The following SRGAP3 variants were observed in gnomAD, a reference collection of about 807,000 sequenced individuals.
SRGAP3 encodes SLIT-ROBO Rho GTPase activating protein 3.
Under a neutral mutation model 121.1 loss-of-function variants are expected in SRGAP3, and 39 were observed. The observed-to-expected ratio is 0.32, with a 90% CI of 0.25 to 0.42. SRGAP3 has a LOEUF of 0.42. Among genes scored for constraint, SRGAP3 ranks in the 10% least tolerant of loss-of-function variants. The pLI is 1.00. For missense variants in SRGAP3, 1,213 were observed against 1,470.6 expected (o/e 0.82, Z 2.86); for synonymous variants, 601 against 570.0 (o/e 1.05, Z -0.77).
At chr3:9,289,441 A>T (rs564419485) in intron 3 of SRGAP3, among the ~76,000 whole-genome samples, 4 of 152,320 alleles carry the variant, frequency 2.6e-5, no homozygotes, top group African/African-American at 9.6e-5. Flanking sequence ...CTGGGAAAAG[A>T]CAAGTTCTTC....
Position 9,249,369 on chromosome 3 carries a change from T to TAC in SRGAP3, c.-420_-419dup, listed in dbSNP as rs373527995. ...CACAGTTGTGCTGTGCACACAGGCA[T>TAC]ACACACACACACCCTCACACGCACA... On this transcript the variant is annotated 5_prime_UTR_variant, in exon 1 of 22. An upstream open reading frame in the 5' UTR loses its in-frame stop. Transcript: ENST00000383836. 8 of 361,990 alleles carry TAC rather than the reference T, an allele frequency of 2.2e-5. No homozygotes were observed. Among genetic ancestry groups the TAC allele is most frequent in the South Asian group, 1.4e-4 (4 of 27,738 alleles). The allele number at this position is 361,990 out of a possible 1,614,324, so 22.4% of individuals were successfully genotyped here. A position where few individuals can be genotyped will look rare whatever the true frequency, so the allele number is the denominator to read the frequency against.
intron 3 of SRGAP3, among the ~76,000 whole-genome samples, chr3:9,092,838 A>G (rs1273015437): frequency 1.3e-5 from 2 of 152,136 alleles, no homozygotes; most frequent in African/African-American, 4.8e-5. Context: ...CTGGCTTCCA[A>G]GTCGAGGTAG....
At chr3:9,312,693 A>C (rs553649063) in intron 3 of SRGAP3, among the ~76,000 whole-genome samples, 2 of 152,294 alleles carry the variant, frequency 1.3e-5, no homozygotes, top group East Asian at 3.9e-4. Context: ...GGTTCTTTTA[A>C]AATAGACAAG....
chr3:9,309,044 G>T (rs1955201217), intron 3 of SRGAP3, among the ~76,000 whole-genome samples: 2 of 152,184 alleles, frequency 1.3e-5, no homozygotes, highest in Admixed American at 1.3e-4. Flanking sequence ...ACCAAGTATG[G>T]TTCAAACAGA....
At chr3:9,141,261 C>G (rs1949836223) in intron 1 of SRGAP3, among the ~76,000 whole-genome samples, 1 of 152,154 alleles carries the variant, frequency 6.6e-6, no homozygotes, top group South Asian at 2.1e-4. Context: ...TGAGAGGGTG[C>G]CTCTGGCCAT....
intron 3 of SRGAP3, among the ~76,000 whole-genome samples, chr3:9,263,921 A>T (rs1479110199): frequency 6.6e-6 from 1 of 152,200 alleles, no homozygotes; most frequent in Non-Finnish European, 1.5e-5. Flanking sequence ...CAACAAAAAG[A>T]GAAAATTTCA....
chr3:9,348,272 G>A (rs781390706), intron 1 of SRGAP3, among the ~76,000 whole-genome samples: 1 of 152,144 alleles, frequency 6.6e-6, no homozygotes, highest in Non-Finnish European at 1.5e-5. Flanking sequence ...AGTAAGGGTA[G>A]CAGAGAATAT....
chr3:9,045,509 AATGATGATGATG>A (rs759746569), intron 10 of SRGAP3, among the ~76,000 whole-genome samples: 2 of 151,368 alleles, frequency 1.3e-5, no homozygotes, highest in East Asian at 3.9e-4. Flanking sequence ...GTATGGTGAT[AATGATGATGATG>A]ATGATGATGA....
intron 1 of SRGAP3, among the ~76,000 whole-genome samples, chr3:9,340,405 A>G (rs1268040611): frequency 3.9e-5 from 6 of 152,238 alleles, no homozygotes; most frequent in Non-Finnish European, 7.3e-5. Context: ...CCCCAAATGA[A>G]GCTTCTCCAA....
At chr3:9,081,856 G>C (rs1185069600) in intron 3 of SRGAP3, among the ~76,000 whole-genome samples, 1 of 152,148 alleles carries the variant, frequency 6.6e-6, no homozygotes, top group African/African-American at 2.4e-5. Context: ...CTGAATGTTT[G>C]TGTCTCCCTC....
At chr3:9,111,773 G>A (rs1394195656) in intron 2 of SRGAP3, among the ~76,000 whole-genome samples, 1 of 152,142 alleles carries the variant, frequency 6.6e-6, no homozygotes, top group Non-Finnish European at 1.5e-5. Context: ...CTCATTTTTG[G>A]AAGACATCAG....
In SRGAP3 at chr3:9,305,232, C is replaced by T. The variant is rs142977045; in HGVS notation, n.442+20778G>A. On this transcript the variant is annotated intron_variant and non_coding_transcript_variant, in intron 3 of 3. Transcript: ENST00000490889. Reference sequence around the variant, plus strand: ...ATTGGGCAGGAAGAGCCTCAGGCTTCGGGACTGTAGTGTCCTCCTGGTGCT... The same window carrying T: ...ATTGGGCAGGAAGAGCCTCAGGCTTTGGGACTGTAGTGTCCTCCTGGTGCT... 1.6e-3 allele frequency among the ~76,000 whole-genome samples: 250 copies of T among 152,172 alleles called. 2 individuals carry two copies. Among genetic ancestry groups the T allele is most frequent in the Middle Eastern group, 3.4e-3 (1 of 294 alleles).
intron 3 of SRGAP3, among the ~76,000 whole-genome samples, chr3:9,274,095 C>T (rs1954528724): frequency 2.6e-5 from 4 of 152,166 alleles, no homozygotes; most frequent in South Asian, 4.1e-4. Flanking sequence ...GAGCAGAGAC[C>T]ATGTCCTAGC....
chr3:9,183,414 C>T (rs1951490680), intron 1 of SRGAP3, among the ~76,000 whole-genome samples: 1 of 152,112 alleles, frequency 6.6e-6, no homozygotes, highest in South Asian at 2.1e-4. Context: ...GAATACCTGG[C>T]ACTTACTTAC....
intron 4 of SRGAP3, among the ~76,000 whole-genome samples, chr3:9,078,182 T>C (rs1048811739): frequency 2.0e-5 from 3 of 151,846 alleles, no homozygotes; most frequent in African/African-American, 4.8e-5. Flanking sequence ...AGGGGGAAGG[T>C]ATTTGGTGTA....
At chr3:9,169,253 G>A (rs1162762891) in intron 1 of SRGAP3, among the ~76,000 whole-genome samples, 6 of 152,224 alleles carry the variant, frequency 3.9e-5, no homozygotes, top group African/African-American at 1.4e-4. Flanking sequence ...GAAGCACTTT[G>A]TAAGTATGAT....
chr3:9,216,613 A>G (rs1175215489), intron 1 of SRGAP3: 1 of 152,600 alleles, frequency 6.6e-6, no homozygotes, highest in Non-Finnish European at 1.5e-5. Context: ...TGTCACAAAC[A>G]ACGATTCTTA....
intron 4 of SRGAP3, among the ~76,000 whole-genome samples, chr3:9,067,842 T>A (rs915649660): frequency 2.6e-5 from 4 of 152,060 alleles, no homozygotes; most frequent in Admixed American, 2.6e-4. Context: ...TATTTGGATA[T>A]GGTCTTGGTG....
chr3:9,326,919 A>G (rs963486834), intron 2 of SRGAP3, among the ~76,000 whole-genome samples: 13 of 151,872 alleles, frequency 8.6e-5, no homozygotes, highest in Admixed American at 2.6e-4. Context: ...CAGCTCTCCA[A>G]ACAAGACCCA....
Sources: gnomAD v4.1 joint callset for allele counts (sites outside exome capture counted in the v4.1 genomes callset) on GRCh38, gnomAD v4.1.1 for gene constraint, MANE v1.5 for transcripts, NCBI Gene and HGNC (gene_info 2026-07-23, HGNC 2026-07-21) for gene names.